Variants in SSPN observed in about 807,000 individuals in gnomAD.
SSPN encodes the protein sarcospan.
SSPN carries 15 observed loss-of-function variants against 19.1 expected under a neutral mutation model. The observed-to-expected ratio is 0.78, with a 90% CI of 0.52 to 1.21. The LOEUF (loss-of-function observed/expected upper bound fraction) is 1.21. SSPN is among the 50% of genes most tolerant of loss of function. The pLI is 0.00. For synonymous variants in SSPN, 147 were observed against 140.3 expected, an observed-to-expected ratio of 1.05 and a Z score of -0.34; for missense variants, 291 against 314.0, an observed-to-expected ratio of 0.93 and a Z score of 0.55.
intron 1 of SSPN, among the ~76,000 whole-genome samples, chr12:26,131,132 T>C (rs1353691885): frequency 6.6e-6 from 1 of 152,226 alleles, no homozygotes; most frequent in Non-Finnish European, 1.5e-5. Context: ...CCCTCTATTA[T>C]GCCATATGAG....
upstream of SSPN, among the ~76,000 whole-genome samples, chr12:26,190,636 C>T (rs552942517): frequency 2.6e-5 from 4 of 152,220 alleles, no homozygotes; most frequent in East Asian, 1.9e-4. Context: ...ATAATTAAAA[C>T]AGAGGATCTA....
chr12:26,192,791 CAGTG>C (rs1436602872), upstream of SSPN, among the ~76,000 whole-genome samples: 8 of 152,300 alleles, frequency 5.3e-5, no homozygotes, highest in East Asian at 1.3e-3. Flanking sequence ...TAATGTGTCT[CAGTG>C]AGGCAATCAA....
chr12:26,206,293 A>G (rs1317751863), intron 1 of SSPN, among the ~76,000 whole-genome samples: 1 of 152,162 alleles, frequency 6.6e-6, no homozygotes, highest in African/African-American at 2.4e-5. Context: ...ATTATAATAT[A>G]TATTACTTTA....
chr12:26,122,127 G>T, exon 1 of SSPN: 1 of 1,549,106 alleles, frequency 6.5e-7, no homozygotes, highest in Non-Finnish European at 8.7e-7. Context: ...CGGGTTCCCC[G>T]GCTCGCGGGG....
upstream of SSPN, among the ~76,000 whole-genome samples, chr12:26,193,013 C>A (rs1445880396): frequency 6.6e-6 from 1 of 152,124 alleles, no homozygotes; most frequent in African/African-American, 2.4e-5. Flanking sequence ...GCAAATAGAA[C>A]TTGTATCTAG....
At chr12:26,124,039 G>C (rs1303754026) in intron 1 of SSPN, 1 of 1,391,882 alleles carries the variant, frequency 7.2e-7, no homozygotes, top group African/African-American at 1.4e-5. Flanking sequence ...CACGCCCTTG[G>C]AGAGCAGCAA....
At chr12:26,220,066 C>T (rs1255249094) in intron 1 of SSPN, among the ~76,000 whole-genome samples, 2 of 152,134 alleles carry the variant, frequency 1.3e-5, no homozygotes, top group Non-Finnish European at 2.9e-5. Flanking sequence ...GGCACGTCCA[C>T]GTCCTGCCAA....
At chr12:26,140,626 C>A (rs7304527) in intron 1 of SSPN, among the ~76,000 whole-genome samples, 22,638 of 152,068 alleles carry the variant, frequency 0.15, 3,937 homozygotes, top group African/African-American at 0.42. Context: ...GGTGAGTTGT[C>A]ATGAGATCTG....
intron 1 of SSPN, chr12:26,135,169 T>G (rs995702164): frequency 2.6e-5 from 4 of 152,280 alleles, no homozygotes; most frequent in African/African-American, 9.7e-5. Flanking sequence ...TGAGGTAACA[T>G]CCAGGGCATG....
chr12:26,224,316 C>T lies in SSPN; in HGVS notation c.303C>T (p.Gly101=). 1.9e-6 allele frequency: 3 copies of T among 1,613,966 alleles called. No homozygotes were observed. The highest frequency in any genetic ancestry group is 1.1e-5 in the South Asian group (1 of 91,064). Residue 101 remains glycine (G), a synonymous_variant, in exon 2 of 3, where the codon GGC becomes GGT. Coordinates refer to ENST00000242729, the MANE Select transcript of SSPN (RefSeq NM_005086.5). The part of the protein sequence containing the change: ...GIIVCLVAYL[G]LFMLCVSYQV... ...AGGTCTGCTTAGTGGCCTATCTTGG[C>T]TTGTTTATGCTTTGTGTCTCATATC...
chr12:26,135,479 A>C (rs530567677), intron 1 of SSPN, among the ~76,000 whole-genome samples: 8 of 152,290 alleles, frequency 5.3e-5, no homozygotes, highest in African/African-American at 1.9e-4. Flanking sequence ...CTGGGGCAAG[A>C]TGCAGGAGGC....
intron 1 of SSPN, among the ~76,000 whole-genome samples, chr12:26,212,142 C>G (rs566128240): frequency 6.6e-6 from 1 of 152,262 alleles, no homozygotes; most frequent in African/African-American, 2.4e-5. Context: ...TGAGGAAGCC[C>G]TGCTTTTGCA....
chr12:26,158,827 G>A (rs1353867631), intron 1 of SSPN, among the ~76,000 whole-genome samples: 1 of 151,076 alleles, frequency 6.6e-6, no homozygotes, highest in African/African-American at 2.4e-5. Flanking sequence ...GCTAGTACAA[G>A]GTTGGCCTCA....
intron 1 of SSPN, among the ~76,000 whole-genome samples, chr12:26,128,597 G>A (rs1445050852): frequency 2.0e-5 from 3 of 152,150 alleles, no homozygotes; most frequent in East Asian, 1.9e-4. Context: ...AAAAAAGTAC[G>A]CTAACAAAGG....
chr12:26,122,468 C>A, intron 1 of SSPN: 1 of 1,351,154 alleles, frequency 7.4e-7, no homozygotes, highest in Non-Finnish European at 9.6e-7. Flanking sequence ...AGCAGAAGGG[C>A]AGGCAGAAGG....
intron 1 of SSPN, among the ~76,000 whole-genome samples, chr12:26,154,501 T>C (rs1213997376): frequency 6.6e-6 from 1 of 152,120 alleles, no homozygotes; most frequent in African/African-American, 2.4e-5. Context: ...CACCAATTCC[T>C]CTTAAGGGGC....
At chr12:26,190,561 C>G (rs1314570878), upstream of SSPN, among the ~76,000 whole-genome samples, 1 of 152,042 alleles carries the variant, frequency 6.6e-6, no homozygotes, top group Non-Finnish European at 1.5e-5. Flanking sequence ...CCCACAGAAA[C>G]CATGAAATAA....
chr12:26,161,600 C>CAATAA (rs1944589368), intron 1 of SSPN, among the ~76,000 whole-genome samples: 1 of 152,124 alleles, frequency 6.6e-6, no homozygotes, highest in Non-Finnish European at 1.5e-5. Context: ...TTATTGTTAG[C>CAATAA]ATCCCCAAAT....
chr12:26,123,072 C>T lies in SSPN; in HGVS notation c.-31+920C>T, dbSNP rs1260322115. 3.8e-6 allele frequency: 6 copies of T among 1,595,294 alleles called. No individual in the cohort carries two copies. In the South Asian group the frequency reaches 5.7e-5, roughly 15 times the overall value. ...CTCCCTGGGTGTCCAGCTCTCAAAC[C>T]GGGAGAGGTATTGCAAGACTTCTTT... On this transcript the variant is annotated intron_variant, in intron 1 of 2. Transcript: ENST00000538142.
Sources: gnomAD v4.1 joint callset for allele counts (sites outside exome capture counted in the v4.1 genomes callset) on GRCh38, gnomAD v4.1.1 for gene constraint, MANE v1.5 for transcripts, NCBI Gene and HGNC (gene_info 2026-07-23, HGNC 2026-07-21) for gene names.